Variants in DIAPH2 observed in about 807,000 individuals in gnomAD.
DIAPH2 encodes diaphanous related formin 2, also known as protein diaphanous homolog 2.
In DIAPH2, 35 loss-of-function variants were observed where a neutral mutation model predicts 92.7. The ratio of observed to expected loss-of-function variants is 0.38; its 90% CI spans 0.29 to 0.50. The LOEUF is 0.50. Among genes scored for constraint, DIAPH2 ranks in the 20% least tolerant of loss-of-function variants. The pLI, the probability that DIAPH2 is intolerant of heterozygous loss-of-function variation, is 0.94. For missense variants in DIAPH2, 701 were observed against 819.5 expected (o/e 0.86, Z 1.77); for synonymous variants, 301 against 280.4 (o/e 1.07, Z -0.73).
intron 19 of DIAPH2, among the ~76,000 whole-genome samples, chrX:97,091,649 AT>A (rs1283610785): frequency 2.7e-5 from 3 of 110,944 alleles, no homozygotes; most frequent in African/African-American, 9.8e-5. Flanking sequence ...CTGAAAATAT[AT>A]TTTCACTGGG....
At chrX:97,406,021 A>C (rs1314835987) in intron 25 of DIAPH2, among the ~76,000 whole-genome samples, 2 of 111,614 alleles carry the variant, frequency 1.8e-5, no homozygotes, top group African/African-American at 6.5e-5. Flanking sequence ...TAATGAAGTC[A>C]CCTGATCAGT....
At chrX:97,474,780 TTAATAA>T (rs1777782923) in intron 26 of DIAPH2, among the ~76,000 whole-genome samples, 1 of 108,622 alleles carries the variant, frequency 9.2e-6, no homozygotes, top group African/African-American at 3.4e-5. Context: ...AAAAAAAAAA[TTAATAA>T]TAGTAATAAT....
At chrX:97,066,999 G>A (rs1021066246) in intron 17 of DIAPH2, among the ~76,000 whole-genome samples, 4 of 111,569 alleles carry the variant, frequency 3.6e-5, no homozygotes, top group Non-Finnish European at 7.5e-5. Context: ...CTATGCAGGT[G>A]TCAGAATGAA....
intron 17 of DIAPH2, among the ~76,000 whole-genome samples, chrX:96,982,540 T>C (rs2066004282): frequency 8.9e-6 from 1 of 112,185 alleles, no homozygotes; most frequent in Admixed American, 9.4e-5. Flanking sequence ...ATTAGGATAT[T>C]TGTAATTTTC....
chrX:97,066,134 C>T (rs1460791055), intron 17 of DIAPH2, among the ~76,000 whole-genome samples: 1 of 111,900 alleles, frequency 8.9e-6, no homozygotes, highest in African/African-American at 3.2e-5. Flanking sequence ...CAGCCTATGT[C>T]TATAGTGGTG....
intron 26 of DIAPH2, among the ~76,000 whole-genome samples, chrX:97,542,673 T>C (rs1243944162): frequency 9.0e-6 from 1 of 111,605 alleles, no homozygotes; most frequent in Non-Finnish European, 1.9e-5. Context: ...TCACACATTC[T>C]ACCTATCAGT....
intron 4 of DIAPH2, among the ~76,000 whole-genome samples, chrX:96,874,985 A>T (rs904742664): frequency 4.5e-5 from 5 of 112,024 alleles, no homozygotes; most frequent in Non-Finnish European, 9.4e-5. Flanking sequence ...AACCAACATG[A>T]TGCCACAAAT....
At chrX:96,761,952 C>T (rs1359242425) in intron 4 of DIAPH2, among the ~76,000 whole-genome samples, 1 of 111,467 alleles carries the variant, frequency 9.0e-6, no homozygotes, top group Non-Finnish European at 1.9e-5. Flanking sequence ...TTCTGAGATT[C>T]ATGGATTCTT....
chrX:97,280,347 G>A (rs1232997785), intron 23 of DIAPH2, among the ~76,000 whole-genome samples: 2 of 110,055 alleles, frequency 1.8e-5, no homozygotes, highest in African/African-American at 6.6e-5. Context: ...CCGTGGTGGC[G>A]GGTGCCTGTG....
At chrX:97,194,976 A>ATTTTGTATTT (rs1239960913) in intron 22 of DIAPH2, among the ~76,000 whole-genome samples, 1 of 111,900 alleles carries the variant, frequency 8.9e-6, no homozygotes, top group Non-Finnish European at 1.9e-5. Flanking sequence ...TCTAAAATAA[A>ATTTTGTATTT]TTTTGTAATG....
At chrX:96,894,959 G>C (rs1018712653) in intron 5 of DIAPH2, among the ~76,000 whole-genome samples, 39 of 97,677 alleles carry the variant, frequency 4.0e-4, no homozygotes, top group Non-Finnish European at 7.5e-4. Context: ...CGCATATACA[G>C]ATTAGTTTTT....
chrX:97,031,692 G>A (rs1411751227), intron 17 of DIAPH2, among the ~76,000 whole-genome samples: 3 of 111,360 alleles, frequency 2.7e-5, no homozygotes, highest in Non-Finnish European at 3.8e-5. Context: ...AGGATAGTGG[G>A]GAAGATAGAT....
At chrX:96,937,103 C>CA in intron 10 of DIAPH2, 130 bp from the exon 11 acceptor site, 1 of 343,291 alleles carries the variant, frequency 2.9e-6, no homozygotes, top group Non-Finnish European at 5.0e-6. Context: ...TTCAGAAAAC[C>CA]AAGTGCCCGC....
At chrX:96,814,170 G>A (rs2064711018) in intron 4 of DIAPH2, among the ~76,000 whole-genome samples, 2 of 111,609 alleles carry the variant, frequency 1.8e-5, no homozygotes, top group African/African-American at 6.5e-5. Flanking sequence ...CCAAACAAAC[G>A]TAGATTTGGT....
intron 21 of DIAPH2, among the ~76,000 whole-genome samples, chrX:97,126,747 A>T (rs910667117): frequency 8.9e-6 from 1 of 112,449 alleles, no homozygotes; most frequent in African/African-American, 3.2e-5. Flanking sequence ...CTGTTAGATG[A>T]TATCTATACT....
chrX:96,838,958 T>A (rs1257574104), intron 4 of DIAPH2, among the ~76,000 whole-genome samples: 1 of 111,963 alleles, frequency 8.9e-6, no homozygotes, highest in Non-Finnish European at 1.9e-5. Flanking sequence ...TGGCTTCTAA[T>A]GTTTATCATC....
intron 2 of DIAPH2, 91 bp downstream of exon 2, chrX:96,735,881 T>C (rs1056843470): frequency 6.0e-6 from 3 of 503,869 alleles, no homozygotes; most frequent in Admixed American, 3.8e-5. Context: ...ATATGTAAGA[T>C]ACAAAATGTC....
intron 17 of DIAPH2, among the ~76,000 whole-genome samples, chrX:96,975,673 G>A (rs1427964109): frequency 1.8e-5 from 2 of 111,461 alleles, no homozygotes; most frequent in Non-Finnish European, 3.8e-5. Context: ...TATTTCTCAC[G>A]CTTCTGGAGA....
At chrX:97,356,966 A>G (rs1602532192) in intron 24 of DIAPH2, among the ~76,000 whole-genome samples, 1 of 112,136 alleles carries the variant, frequency 8.9e-6, no homozygotes, top group Admixed American at 9.5e-5. Context: ...ATAATTAACA[A>G]TGAAAATATT....
Sources: allele counts gnomAD v4.1 joint callset (sites outside exome capture counted in the v4.1 genomes callset), GRCh38; gene constraint gnomAD v4.1.1; transcripts MANE v1.5; gene names NCBI Gene and HGNC (gene_info 2026-07-23, HGNC 2026-07-21).